Variants in EDN1 observed in about 807,000 individuals in gnomAD.
EDN1 encodes endothelin 1, also known as endothelin-1.
Under a neutral mutation model 21.7 loss-of-function variants are expected in EDN1, and 11 were observed. That is an observed-to-expected ratio of 0.51 (90% CI 0.32 to 0.84). EDN1 has a LOEUF of 0.84. Ranked by LOEUF, EDN1 falls within the 40% of genes least tolerant of loss-of-function variation. EDN1 has a pLI of 0.03. For missense variants in EDN1, 244 were observed against 262.3 expected (o/e 0.93, Z 0.48); for synonymous variants, 85 against 90.6 (o/e 0.94, Z 0.35).
chr6:12,257,723 C>G, the EDN1 span, among the ~76,000 whole-genome samples: 1 of 152,264 alleles, frequency 6.6e-6, no homozygotes, highest in East Asian at 1.9e-4. Context: ...CTCTTCATTT[C>G]TTACTCTTTG....
intron 1 of EDN1, among the ~76,000 whole-genome samples, chr6:12,292,011 C>A (rs180724644): frequency 2.0e-5 from 3 of 151,880 alleles, no homozygotes. Context: ...AGAAGCCAGC[C>A]GGATTTTCAA....
At chr6:12,233,993 C>T in the EDN1 span, among the ~76,000 whole-genome samples, 3 of 152,176 alleles carry the variant, frequency 2.0e-5, no homozygotes, top group Non-Finnish European at 4.4e-5. Flanking sequence ...CTCCCCATCC[C>T]CCTCACATGC....
At chr6:12,284,663 A>G in the EDN1 span, among the ~76,000 whole-genome samples, 1 of 138,306 alleles carries the variant, frequency 7.2e-6, no homozygotes, top group Non-Finnish European at 1.5e-5. Flanking sequence ...GGAGAAAGAA[A>G]AAGAGAGAAA....
At chr6:12,292,917 T>C (rs1320522435) in intron 2 of EDN1, among the ~76,000 whole-genome samples, 1 of 152,134 alleles carries the variant, frequency 6.6e-6, no homozygotes, top group Non-Finnish European at 1.5e-5. Flanking sequence ...AGTGATGATA[T>C]AGAGGGTTAG....
chr6:12,296,053 C>G lies in EDN1; in HGVS notation c.625C>G (p.Arg209Gly). 1 of 1,614,006 alleles carries G rather than the reference C, an allele frequency of 6.2e-7. No individual in the cohort carries two copies. Among genetic ancestry groups the G allele is most frequent in the Non-Finnish European group, 8.5e-7 (1 of 1,179,922 alleles). Residue 209 changes from arginine (R) to glycine (G), a missense_variant, in exon 5 of 5, where the codon CGA (arginine) becomes GGA (glycine). Physicochemically the swap from Arg to Gly is moderately radical, Grantham distance 125. Transcript: ENST00000379375. Reference sequence around the variant, plus strand: ...CAGAGAGCGTTATGTGACCCACAACCGAGCACATTGGTGACAGACCTTCGG... The same window carrying G: ...CAGAGAGCGTTATGTGACCCACAACGGAGCACATTGGTGACAGACCTTCGG... The part of the protein sequence containing the change: ...PSRERYVTHN[R>G]AHW
the EDN1 span, among the ~76,000 whole-genome samples, chr6:12,284,760 AAAG>A: frequency 1.3e-5 from 2 of 150,340 alleles, no homozygotes; most frequent in African/African-American, 4.9e-5. Context: ...AGAAAGAAAG[AAAG>A]AAAGAAAGAA....
the EDN1 span, among the ~76,000 whole-genome samples, chr6:12,259,519 T>C: frequency 4.6e-5 from 7 of 151,832 alleles, no homozygotes; most frequent in Non-Finnish European, 1.0e-4. Context: ...AAACTCCTGG[T>C]CAGATTTCCA....
the EDN1 span, among the ~76,000 whole-genome samples, chr6:12,266,031 C>T: frequency 2.6e-5 from 4 of 152,106 alleles, no homozygotes; most frequent in Admixed American, 6.5e-5. Flanking sequence ...ACACAGAAAC[C>T]AGGGCCACCC....
At chr6:12,243,317 G>T in the EDN1 span, among the ~76,000 whole-genome samples, 1 of 150,444 alleles carries the variant, frequency 6.6e-6, no homozygotes, top group East Asian at 2.0e-4. Context: ...GGAGGAGGAG[G>T]AGGAGGAGAG....
the EDN1 span, among the ~76,000 whole-genome samples, chr6:12,280,135 T>C: frequency 6.6e-6 from 1 of 152,140 alleles, no homozygotes; most frequent in Non-Finnish European, 1.5e-5. Flanking sequence ...ACTAGCTCTG[T>C]GACAAAATAA....
the EDN1 span, among the ~76,000 whole-genome samples, chr6:12,244,563 C>A: frequency 6.6e-6 from 1 of 152,144 alleles, no homozygotes. Context: ...TGTCAAATAG[C>A]CAAGGCTGAA....
the EDN1 span, among the ~76,000 whole-genome samples, chr6:12,238,724 T>G: frequency 6.6e-6 from 1 of 152,090 alleles, no homozygotes; most frequent in East Asian, 1.9e-4. Flanking sequence ...AAACCACCAT[T>G]GTAGCCACAA....
chr6:12,243,573 T>G, the EDN1 span, among the ~76,000 whole-genome samples: 1 of 152,170 alleles, frequency 6.6e-6, no homozygotes, highest in Non-Finnish European at 1.5e-5. Context: ...CCAATGTCTA[T>G]ACTGGTGCCT....
chr6:12,290,919 A>AAAT, intron 1 of EDN1, among the ~76,000 whole-genome samples: 1 of 152,108 alleles, frequency 6.6e-6, no homozygotes, highest in Non-Finnish European at 1.5e-5. Context: ...CATGACATTA[A>AAAT]AATAACTTAT....
chr6:12,248,360 C>T, the EDN1 span, among the ~76,000 whole-genome samples: 1 of 152,202 alleles, frequency 6.6e-6, no homozygotes, highest in African/African-American at 2.4e-5. Flanking sequence ...ATGTCTGTGC[C>T]TTAAGCTACC....
the EDN1 span, among the ~76,000 whole-genome samples, chr6:12,285,206 G>A: frequency 2.0e-5 from 3 of 152,152 alleles, no homozygotes; most frequent in Non-Finnish European, 2.9e-5. Context: ...ATGCATGTGT[G>A]TCAGTGGCAC....
chr6:12,295,996 T>C lies in EDN1; in HGVS notation c.568T>C (p.Phe190Leu). Residue 190 changes from phenylalanine to leucine, a missense_variant, in exon 5 of 5, where the codon TTT (phenylalanine) becomes CTT (leucine). Phe to Leu is a conservative substitution (Grantham distance 22, BLOSUM62 0). Transcript: ENST00000379375. ...CATGAGAAACAGCGTCAAATCATCT[T>C]TTCATGATCCCAAGCTGAAAGGCAA... Reference protein sequence around the residue: ...ETMRNSVKSSFHDPKLKGKPS... With the variant: ...ETMRNSVKSSLHDPKLKGKPS... The C allele has an allele frequency of 6.2e-7, 1 of 1,614,092 alleles. No homozygotes were observed. Among genetic ancestry groups the C allele is most frequent in the Middle Eastern group, 1.6e-4 (1 of 6,062 alleles).
the EDN1 span, among the ~76,000 whole-genome samples, chr6:12,238,668 G>A: frequency 6.6e-6 from 1 of 152,222 alleles, no homozygotes; most frequent in Admixed American, 6.5e-5. Flanking sequence ...TAGGAAGAGA[G>A]ATGGAGAATT....
Position 12,290,696 on chromosome 6 carries a change from A to G in EDN1, c.64+3A>G. The G allele has an allele frequency of 1.2e-6, 2 of 1,613,014 alleles. No homozygotes were observed. Among genetic ancestry groups the G allele is most frequent in the Non-Finnish European group, 8.5e-7 (1 of 1,178,974 alleles). ...TTGCCAAGGAGCTCCAGAAACAGGT[A>G]GGCACGCTCGTTGACTTGTAAGTCT... is the stretch of plus-strand genomic sequence containing the variant. On this transcript the variant is annotated splice_donor_region_variant and intron_variant, in intron 1 of 4. Transcript: ENST00000379375.
Sources: gnomAD v4.1 joint callset for allele counts (sites outside exome capture counted in the v4.1 genomes callset) on GRCh38, gnomAD v4.1.1 for gene constraint, MANE v1.5 for transcripts, NCBI Gene and HGNC (gene_info 2026-07-23, HGNC 2026-07-21) for gene names.